RBFOX3: variants seen among roughly 807,000 people sequenced by gnomAD.
RBFOX3 encodes the protein RNA binding fox-1 homolog 3, also known as RNA binding protein fox-1 homolog 3.
RBFOX3 carries 17 observed loss-of-function variants against 48.7 expected under a neutral mutation model. That is an observed-to-expected ratio of 0.35 (90% CI 0.24 to 0.52). The LOEUF is 0.52. RBFOX3 is among the 20% of genes least tolerant of loss of function. RBFOX3 has a pLI of 0.94. For missense variants in RBFOX3, 382 were observed against 497.5 expected (o/e 0.77, Z 2.21); for synonymous variants, 212 against 209.5 (o/e 1.01, Z -0.10).
At position 79,103,980 on chromosome 17, in the gene RBFOX3, G is replaced by A. The variant is rs1016531414; in HGVS notation, c.414+93C>T. The A allele has an allele frequency of 1.1e-5, 13 of 1,153,142 alleles. No individual in the cohort carries two copies. The highest frequency in any genetic ancestry group is 4.6e-5 in the African/African-American group (3 of 65,082). 71.4% of individuals were successfully genotyped at this position (1,153,142 alleles called of 1,614,324 possible). On this transcript the variant is annotated intron_variant, in intron 7 of 14. Coordinates refer to ENST00000693108, the MANE Select transcript of RBFOX3 (RefSeq NM_001350451.2). This position sits in a 1 kb window ranked among gnomAD's most constrained non-coding sequence, Gnocchi z 6.1. ...GTGTCGCTCAGGGGTCCTCGGGCGC[G>A]AAGCTCTCCAGGAAGGAAACGCACA...
At chr17:79,226,647 C>T (rs1292702177) in intron 4 of RBFOX3, among the ~76,000 whole-genome samples, 1 of 152,222 alleles carries the variant, frequency 6.6e-6, no homozygotes, top group African/African-American at 2.4e-5. Flanking sequence ...TGCTGGGCAG[C>T]TTTGAGCAGA....
rs1278435129 is a variant in RBFOX3, at chr17:79,479,067, G to C, written c.-175+3387C>G. 2.0e-5 allele frequency among the ~76,000 whole-genome samples: 3 copies of C among 152,194 alleles called. No individual in the cohort carries two copies. Among genetic ancestry groups the C allele is most frequent in the African/African-American group, 4.8e-5 (2 of 41,458 alleles). On this transcript the variant is annotated intron_variant, in intron 2 of 14. Coordinates refer to ENST00000693108, the MANE Select transcript of RBFOX3 (RefSeq NM_001350451.2). The surrounding 1 kb of genome is among the most constrained non-coding windows in gnomAD (Gnocchi z 5.1). ...CCAAGGCCATTCCTGAATCAGAAAG[G>C]CCAGCCCGCCTCACTGGGGCAAAAG...
intron 2 of RBFOX3, among the ~76,000 whole-genome samples, chr17:79,339,662 G>A (rs2081749743): frequency 6.6e-6 from 1 of 152,228 alleles, no homozygotes; most frequent in Admixed American, 6.5e-5. Context: ...CCGGTCTGGA[G>A]GCCCTGCTGA....
chr17:79,251,609 A>G (rs2148276854), intron 3 of RBFOX3, among the ~76,000 whole-genome samples: 1 of 152,212 alleles, frequency 6.6e-6, no homozygotes, highest in South Asian at 2.1e-4. Flanking sequence ...CACATGGCTC[A>G]GGCCCCTTCT....
intron 4 of RBFOX3, among the ~76,000 whole-genome samples, chr17:79,117,316 G>A (rs987125169): frequency 3.3e-5 from 5 of 152,312 alleles, no homozygotes; most frequent in Non-Finnish European, 5.9e-5. Context: ...GCAGGAGTCC[G>A]CGTCCTTGCT....
chr17:79,530,045 C>A (rs1444485356), intron 1 of RBFOX3, among the ~76,000 whole-genome samples: 1 of 152,222 alleles, frequency 6.6e-6, no homozygotes, highest in Non-Finnish European at 1.5e-5. Flanking sequence ...TGCTTCAAAT[C>A]ATCTCCGCCA....
chr17:79,244,903 TTTCC>T (rs1375856041), intron 3 of RBFOX3, among the ~76,000 whole-genome samples: 1 of 140,160 alleles, frequency 7.1e-6, no homozygotes, highest in Non-Finnish European at 1.6e-5. Flanking sequence ...CCCTCCCTCC[TTTCC>T]TTCCTTCCTC....
At position 79,588,471 on chromosome 17, in the gene RBFOX3, A is replaced by T. The variant is rs2093319872; in HGVS notation, c.-320+22355T>A. Among the ~76,000 whole-genome samples the T allele has an allele frequency of 2.0e-5, 3 of 152,124 alleles. No individual in the cohort carries two copies. In the South Asian group the frequency reaches 6.2e-4, roughly 32 times the overall value. On this transcript the variant is annotated intron_variant, in intron 1 of 14. Transcript: ENST00000693108. ...AGACCTTGCTGCAGCCAGGAAAATAAATAGTAGTTGACCAAGGTACTGACC... is the reference window on the plus strand; with the variant it reads ...AGACCTTGCTGCAGCCAGGAAAATATATAGTAGTTGACCAAGGTACTGACC...
rs148046681 is a variant in RBFOX3, at chr17:79,149,346, G to A, written c.-33-33598C>T. Reference sequence around the variant, plus strand: ...CCCAGATGCAGGCAGTGGGGGGAGTGGGGGCACGGGGGAGGACAAAGGGGG... The same window carrying A: ...CCCAGATGCAGGCAGTGGGGGGAGTAGGGGCACGGGGGAGGACAAAGGGGG... On this transcript the variant is annotated intron_variant, in intron 4 of 14. Coordinates refer to ENST00000693108, the MANE Select transcript of RBFOX3 (RefSeq NM_001350451.2). Among the ~76,000 whole-genome samples, 85 of 152,276 alleles carry A rather than the reference G, an allele frequency of 5.6e-4. 1 individual carries two copies. The East Asian group carries it at 0.015, about 26-fold the overall frequency.
intron 2 of RBFOX3, among the ~76,000 whole-genome samples, chr17:79,474,120 GA>G (rs140445430): frequency 0.014 from 1,982 of 142,466 alleles, 20 homozygotes; most frequent in African/African-American, 0.037. Flanking sequence ...TGTCAATGCA[GA>G]AAAAAAAAAA....
Position 79,288,479 on chromosome 17 carries a change from C to G in RBFOX3, c.-74+19245G>C, listed in dbSNP as rs71387909. Among the ~76,000 whole-genome samples the G allele has an allele frequency of 4.0e-3, 604 of 150,840 alleles. 4 individuals carry two copies. The highest frequency in any genetic ancestry group is 0.013 in the African/African-American group (536 of 40,718). Reference sequence around the variant, plus strand: ...ACTGCCCCTTTCCATTCTCTGCAGCCCCCCCCAGCCCGGCTTCCAGCCCCT... The same window carrying G: ...ACTGCCCCTTTCCATTCTCTGCAGCGCCCCCCAGCCCGGCTTCCAGCCCCT... On this transcript the variant is annotated intron_variant, in intron 3 of 14. Coordinates refer to ENST00000693108, the MANE Select transcript of RBFOX3 (RefSeq NM_001350451.2).
At chr17:79,095,843 C>T (rs997575956) in intron 12 of RBFOX3, among the ~76,000 whole-genome samples, 4 of 152,224 alleles carry the variant, frequency 2.6e-5, no homozygotes, top group African/African-American at 9.6e-5. Context: ...CATTCATTCA[C>T]TCATTCATTC....
chr17:79,338,066 G>A (rs2081471702), intron 2 of RBFOX3, among the ~76,000 whole-genome samples: 1 of 151,874 alleles, frequency 6.6e-6, no homozygotes, highest in African/African-American at 2.4e-5. Context: ...AGCCTCCCGA[G>A]TAGCTAGGAT....
At chr17:79,499,456 C>A (rs2082096241) in intron 1 of RBFOX3, among the ~76,000 whole-genome samples, 1 of 152,100 alleles carries the variant, frequency 6.6e-6, no homozygotes, top group African/African-American at 2.4e-5. Context: ...CATCCATCTA[C>A]CCACTCACCC....
chr17:79,487,398 G>A (rs1160776729), intron 1 of RBFOX3, among the ~76,000 whole-genome samples: 13 of 152,228 alleles, frequency 8.5e-5, no homozygotes, highest in Admixed American at 3.3e-4. Context: ...TGCAGAGGCC[G>A]GGTGGCGGGG....
chr17:79,474,773 T>C (rs1054968531), intron 2 of RBFOX3, among the ~76,000 whole-genome samples: 147 of 152,242 alleles, frequency 9.7e-4, no homozygotes, highest in African/African-American at 3.3e-3. Flanking sequence ...GCCCGCCCAC[T>C]GGCCTGCCTC....
the RBFOX3 span, among the ~76,000 whole-genome samples, chr17:79,620,009 A>G: frequency 1.3e-5 from 2 of 152,062 alleles, no homozygotes; most frequent in Non-Finnish European, 2.9e-5. Flanking sequence ...ACACATGCAC[A>G]TGCACACACA....
rs2150008001 is a variant in RBFOX3 at position 79,522,815 on chromosome 17, A to T, written c.-319-40217T>A. On this transcript the variant is annotated intron_variant, in intron 1 of 14. Coordinates refer to ENST00000693108, the MANE Select transcript of RBFOX3 (RefSeq NM_001350451.2). ...CATGGTGGTTGATGCCTGTAATCCCAGCTACTAGGGAGGCTGAGGCAGGAG... is the reference window on the plus strand; with the variant it reads ...CATGGTGGTTGATGCCTGTAATCCCTGCTACTAGGGAGGCTGAGGCAGGAG... 1.3e-5 allele frequency among the ~76,000 whole-genome samples: 2 copies of T among 151,576 alleles called. 1 individual carries two copies. The highest frequency in any genetic ancestry group is 6.8e-3 in the Middle Eastern group (2 of 294).
intron 2 of RBFOX3, among the ~76,000 whole-genome samples, chr17:79,454,876 A>G (rs782316983): frequency 1.3e-5 from 2 of 152,178 alleles, no homozygotes; most frequent in Non-Finnish European, 2.9e-5. Flanking sequence ...GCTCCTCAGT[A>G]TTCAAGGCCT....
Sources: allele counts gnomAD v4.1 joint callset (sites outside exome capture counted in the v4.1 genomes callset), GRCh38; gene constraint gnomAD v4.1.1; non-coding constraint Gnocchi (gnomAD v3.1); transcripts MANE v1.5; gene names NCBI Gene and HGNC (gene_info 2026-07-23, HGNC 2026-07-21).